Variants in CTNNA2 observed in about 807,000 individuals in gnomAD.
CTNNA2 encodes catenin alpha 2.
In CTNNA2, 42 loss-of-function variants were observed where a neutral mutation model predicts 101.0. That is an observed-to-expected ratio of 0.42 (90% CI 0.32 to 0.54). The LOEUF is 0.54. Ranked by LOEUF, CTNNA2 falls within the 20% of genes least tolerant of loss-of-function variation. The pLI is 0.14. For synonymous variants in CTNNA2, 450 were observed against 456.4 expected (o/e 0.99, Z 0.18); for missense variants, 871 against 1,223.1 (o/e 0.71, Z 4.29).
At chr2:79,311,131 C>T (rs552483048) in intron 2 of CTNNA2, among the ~76,000 whole-genome samples, 109 of 152,290 alleles carry the variant, frequency 7.2e-4, no homozygotes, top group African/African-American at 2.5e-3. Flanking sequence ...GGTGATTGGC[C>T]GGGCGCTGTG....
At chr2:79,431,452 A>G (rs1342578546) in intron 4 of CTNNA2, among the ~76,000 whole-genome samples, 1 of 152,150 alleles carries the variant, frequency 6.6e-6, no homozygotes, top group Non-Finnish European at 1.5e-5. Context: ...ATCTAGACTA[A>G]AAGGGCACTT....
chr2:80,228,326 T>C (rs1354939544), intron 7 of CTNNA2, among the ~76,000 whole-genome samples: 1 of 152,196 alleles, frequency 6.6e-6, no homozygotes, highest in Non-Finnish European at 1.5e-5. Flanking sequence ...TCATAGATAG[T>C]GTCTTCTGGC....
At chr2:79,334,385 CTGTTTATTGGATGA>C (rs1676945361) in intron 3 of CTNNA2, among the ~76,000 whole-genome samples, 1 of 151,952 alleles carries the variant, frequency 6.6e-6, no homozygotes, top group East Asian at 1.9e-4. Flanking sequence ...AAAAAGCTGC[CTGTTTATTGGATGA>C]TGTACAGAAG....
At chr2:79,844,886 G>A (rs1168659022) in intron 3 of CTNNA2, among the ~76,000 whole-genome samples, 1 of 151,592 alleles carries the variant, frequency 6.6e-6, no homozygotes, top group Non-Finnish European at 1.5e-5. Context: ...CAGGAGTGTG[G>A]GCTGGGGAGT....
At chr2:80,112,819 A>C (rs1445936951) in intron 7 of CTNNA2, among the ~76,000 whole-genome samples, 11 of 152,342 alleles carry the variant, frequency 7.2e-5, no homozygotes, top group Admixed American at 5.2e-4. Flanking sequence ...TATGAAGGTA[A>C]AACTGATACA....
chr2:80,336,967 TG>T (rs1345320058), intron 7 of CTNNA2, among the ~76,000 whole-genome samples: 6 of 152,188 alleles, frequency 3.9e-5, no homozygotes, highest in Non-Finnish European at 1.5e-5. Flanking sequence ...AGCCCATTGC[TG>T]ACTTGGGCCT....
intron 7 of CTNNA2, among the ~76,000 whole-genome samples, chr2:79,981,551 T>C (rs150981617): frequency 6.6e-6 from 1 of 152,292 alleles, no homozygotes; most frequent in East Asian, 1.9e-4. Context: ...TAACAGAGTC[T>C]GCTTATTACA....
At chr2:80,066,283 C>T (rs956939836) in intron 7 of CTNNA2, among the ~76,000 whole-genome samples, 12 of 152,070 alleles carry the variant, frequency 7.9e-5, no homozygotes, top group African/African-American at 2.2e-4. Context: ...AAGAGACAAC[C>T]TATGAAATGC....
chr2:79,977,230 A>G (rs892852826), intron 7 of CTNNA2, among the ~76,000 whole-genome samples: 18 of 151,076 alleles, frequency 1.2e-4, no homozygotes, highest in Admixed American at 5.3e-4. Context: ...ATGCACACAC[A>G]CACACACACA....
intron 7 of CTNNA2, among the ~76,000 whole-genome samples, chr2:80,375,251 C>G (rs539151970): frequency 1.4e-4 from 22 of 152,226 alleles, no homozygotes; most frequent in African/African-American, 4.3e-4. Context: ...GGGAAAGGCA[C>G]AGGAGGTCCT....
At chr2:79,459,049 A>G (rs1670852244) in intron 4 of CTNNA2, among the ~76,000 whole-genome samples, 1 of 148,590 alleles carries the variant, frequency 6.7e-6, no homozygotes, top group South Asian at 2.1e-4. Context: ...CAGTACTAGT[A>G]AAACCTGATA....
chr2:79,380,672 C>T (rs1250357296), intron 4 of CTNNA2, among the ~76,000 whole-genome samples: 1 of 152,128 alleles, frequency 6.6e-6, no homozygotes, highest in East Asian at 1.9e-4. Context: ...TGGATGATTG[C>T]AATTAGATGT....
At chr2:80,326,589 C>T (rs1482122351) in intron 7 of CTNNA2, among the ~76,000 whole-genome samples, 2 of 151,932 alleles carry the variant, frequency 1.3e-5, no homozygotes, top group Non-Finnish European at 2.9e-5. Flanking sequence ...ACTGTGAAGG[C>T]CAATCTAAGT....
intron 1 of CTNNA2, among the ~76,000 whole-genome samples, chr2:79,537,882 G>A (rs1673168868): frequency 6.6e-6 from 1 of 151,100 alleles, no homozygotes. Flanking sequence ...GGACATTTGG[G>A]TTTTATAATT....
intron 7 of CTNNA2, among the ~76,000 whole-genome samples, chr2:79,994,068 T>C (rs1454029812): frequency 6.6e-6 from 1 of 152,026 alleles, no homozygotes. Context: ...CCACCACACC[T>C]AGCTATTTTG....
chr2:80,199,684 A>G (rs553623177), intron 7 of CTNNA2, among the ~76,000 whole-genome samples: 2 of 152,316 alleles, frequency 1.3e-5, no homozygotes, highest in East Asian at 3.9e-4. Flanking sequence ...CTTAGGTATC[A>G]TGGTTACCTC....
At chr2:80,476,986 A>G (rs995689559) in intron 9 of CTNNA2, among the ~76,000 whole-genome samples, 1 of 152,170 alleles carries the variant, frequency 6.6e-6, no homozygotes, top group Admixed American at 6.5e-5. Flanking sequence ...AAAATCATGC[A>G]TTTCTCATGC....
chr2:79,963,502 T>C (rs1689809068), intron 7 of CTNNA2, among the ~76,000 whole-genome samples: 1 of 152,194 alleles, frequency 6.6e-6, no homozygotes, highest in African/African-American at 2.4e-5. Flanking sequence ...ATCTCAACAC[T>C]GCATTCCAGA....
At chr2:80,644,015 A>G (rs985262696) in intron 18 of CTNNA2, among the ~76,000 whole-genome samples, 1 of 152,186 alleles carries the variant, frequency 6.6e-6, no homozygotes, top group Non-Finnish European at 1.5e-5. Flanking sequence ...CCTGTTCATT[A>G]GTAGAAAAGA....
Sources: allele counts gnomAD v4.1 joint callset (sites outside exome capture counted in the v4.1 genomes callset), GRCh38; gene constraint gnomAD v4.1.1; transcripts MANE v1.5; gene names NCBI Gene and HGNC (gene_info 2026-07-23, HGNC 2026-07-21).